SV2C: variants seen among roughly 807,000 people sequenced by gnomAD.
SV2C encodes the protein solute carrier family 22 member B3.
SV2C carries 49 observed loss-of-function variants against 79.7 expected under a neutral mutation model. That is an observed-to-expected ratio of 0.61 (90% CI 0.49 to 0.78). The LOEUF (loss-of-function observed/expected upper bound fraction) is 0.78. SV2C is among the 30% of genes least tolerant of loss of function. The pLI, the probability that SV2C is intolerant of heterozygous loss-of-function variation, is 0.00. For synonymous variants in SV2C, 334 were observed against 333.2 expected, an observed-to-expected ratio of 1.00 and a Z score of -0.03; for missense variants, 833 against 912.9, an observed-to-expected ratio of 0.91 and a Z score of 1.13.
the SV2C span, among the ~76,000 whole-genome samples, chr5:76,036,423 C>G: frequency 1.3e-5 from 2 of 151,848 alleles, no homozygotes; most frequent in African/African-American, 4.8e-5. Context: ...TTCAGGAGCT[C>G]CTTTAGGGCA....
chr5:76,025,879 C>A, the SV2C span, among the ~76,000 whole-genome samples: 1 of 152,116 alleles, frequency 6.6e-6, no homozygotes, highest in Non-Finnish European at 1.5e-5. Flanking sequence ...AAGTGAACAA[C>A]AAACACTGGG....
chr5:75,988,877 C>T, the SV2C span, among the ~76,000 whole-genome samples: 1 of 151,900 alleles, frequency 6.6e-6, no homozygotes. Flanking sequence ...TAGAATGTTA[C>T]CAGCCCAGAG....
the SV2C span, among the ~76,000 whole-genome samples, chr5:75,919,511 C>G: frequency 6.6e-6 from 1 of 152,130 alleles, no homozygotes; most frequent in Admixed American, 6.5e-5. Flanking sequence ...CGTAACTTCC[C>G]CAAAGATCCA....
At chr5:76,250,973 C>T (rs545617207) in intron 4 of SV2C, among the ~76,000 whole-genome samples, 1 of 152,222 alleles carries the variant, frequency 6.6e-6, no homozygotes. Flanking sequence ...CAGGTAGACC[C>T]CACACCTCCA....
the SV2C span, among the ~76,000 whole-genome samples, chr5:76,037,726 G>A: frequency 2.6e-5 from 4 of 152,214 alleles, no homozygotes; most frequent in Non-Finnish European, 5.9e-5. Flanking sequence ...CCCCAGAGGT[G>A]GAGCCTACAG....
At chr5:75,941,173 G>GA in the SV2C span, among the ~76,000 whole-genome samples, 10 of 152,074 alleles carry the variant, frequency 6.6e-5, no homozygotes, top group South Asian at 2.1e-3. Context: ...AGTTTTATTA[G>GA]AAAAAATAAA....
chr5:76,235,060 C>T (rs573882314), intron 4 of SV2C, among the ~76,000 whole-genome samples: 7 of 151,864 alleles, frequency 4.6e-5, no homozygotes, highest in South Asian at 2.1e-4. Flanking sequence ...TCCACTTTTC[C>T]TATCGTAATT....
chr5:76,115,716 ACTT>A (rs1193584720), intron 1 of SV2C, among the ~76,000 whole-genome samples: 1 of 152,206 alleles, frequency 6.6e-6, no homozygotes, highest in Non-Finnish European at 1.5e-5. Flanking sequence ...TTTTAAAAGA[ACTT>A]CTTGTTTTTT....
At chr5:75,985,656 A>G in the SV2C span, among the ~76,000 whole-genome samples, 2 of 152,114 alleles carry the variant, frequency 1.3e-5, no homozygotes, top group Non-Finnish European at 2.9e-5. Flanking sequence ...GAGATTCAGT[A>G]GTCTTTTGTT....
the SV2C span, chr5:75,921,205 A>G: frequency 6.6e-6 from 7 of 1,068,282 alleles, no homozygotes; most frequent in East Asian, 1.7e-4. Context: ...GCCAGGGGCC[A>G]GCAGCCGAGA....
chr5:76,217,703 T>G (rs1025975952), intron 4 of SV2C, among the ~76,000 whole-genome samples: 3 of 148,750 alleles, frequency 2.0e-5, no homozygotes, highest in African/African-American at 7.5e-5. Flanking sequence ...GAGAAGGAAC[T>G]AAAAAGCATA....
intron 1 of SV2C, among the ~76,000 whole-genome samples, chr5:76,108,415 C>T (rs1747993875): frequency 1.3e-5 from 2 of 152,118 alleles, no homozygotes; most frequent in Non-Finnish European, 2.9e-5. Flanking sequence ...AAGAGTCATA[C>T]AGAAAGGCAA....
At chr5:76,108,407 G>A (rs1747993645) in intron 1 of SV2C, among the ~76,000 whole-genome samples, 1 of 152,162 alleles carries the variant, frequency 6.6e-6, no homozygotes, top group Non-Finnish European at 1.5e-5. Flanking sequence ...GAATTTGGAA[G>A]AGTCATACAG....
At chr5:76,294,424 C>A (rs1040001464) in intron 8 of SV2C, among the ~76,000 whole-genome samples, 1 of 149,814 alleles carries the variant, frequency 6.7e-6, no homozygotes, top group Non-Finnish European at 1.5e-5. Flanking sequence ...GCCTCAGTTT[C>A]CTGAGTAGCT....
the SV2C span, among the ~76,000 whole-genome samples, chr5:75,968,647 A>G: frequency 6.6e-6 from 1 of 152,212 alleles, no homozygotes; most frequent in Admixed American, 6.5e-5. Flanking sequence ...AAAGAAATGA[A>G]CAAAGCCTCC....
chr5:75,972,777 C>T, the SV2C span, among the ~76,000 whole-genome samples: 4 of 152,082 alleles, frequency 2.6e-5, no homozygotes, highest in African/African-American at 9.7e-5. Context: ...GGCAATTCCT[C>T]AGGGATCTAG....
the SV2C span, among the ~76,000 whole-genome samples, chr5:75,998,675 TGG>T: frequency 0.016 from 2,397 of 151,796 alleles, 67 homozygotes; most frequent in African/African-American, 0.056. Flanking sequence ...TGTATGTGTG[TGG>T]GTGTGTGTGT....
At chr5:76,231,285 G>T (rs1296282624) in intron 4 of SV2C, among the ~76,000 whole-genome samples, 1 of 152,018 alleles carries the variant, frequency 6.6e-6, no homozygotes, top group Non-Finnish European at 1.5e-5. Flanking sequence ...TAGTTAGTTT[G>T]ATTTAATCAT....
chr5:75,979,264 C>A, the SV2C span, among the ~76,000 whole-genome samples: 1 of 152,104 alleles, frequency 6.6e-6, no homozygotes, highest in Non-Finnish European at 1.5e-5. Flanking sequence ...GAGGGTTAGA[C>A]TTCCATATAG....
Sources: allele counts gnomAD v4.1 joint callset (sites outside exome capture counted in the v4.1 genomes callset), GRCh38; gene constraint gnomAD v4.1.1; transcripts MANE v1.5; gene names NCBI Gene and HGNC (gene_info 2026-07-23, HGNC 2026-07-21).